SH3RF3: variants seen among roughly 807,000 people sequenced by gnomAD.
SH3RF3 encodes the protein E3 ubiquitin-protein ligase SH3RF3.
In SH3RF3, 29 loss-of-function variants were observed where a neutral mutation model predicts 66.3. The observed-to-expected ratio is 0.44, with a 90% CI of 0.33 to 0.60. The LOEUF is 0.60. SH3RF3 is among the 20% of genes least tolerant of loss of function. The pLI is 0.04. For missense variants in SH3RF3, 1,194 were observed against 1,190.9 expected (o/e 1.00, Z -0.04); for synonymous variants, 583 against 532.0 (o/e 1.10, Z -1.32).
chr2:109,425,352 A>T (rs1163349329), intron 5 of SH3RF3, among the ~76,000 whole-genome samples: 1 of 152,076 alleles, frequency 6.6e-6, no homozygotes, highest in Non-Finnish European at 1.5e-5. Flanking sequence ...AAAATCACTG[A>T]TGAAGGTGGC....
chr2:109,494,586 T>C (rs974001595), intron 9 of SH3RF3, among the ~76,000 whole-genome samples: 4 of 152,302 alleles, frequency 2.6e-5, no homozygotes, highest in East Asian at 1.9e-4. Flanking sequence ...GCTGCTGGGC[T>C]GCGCCCTGTG....
At chr2:109,495,478 T>C (rs1008848662) in intron 9 of SH3RF3, among the ~76,000 whole-genome samples, 1 of 19,004 alleles carries the variant, frequency 5.3e-5, no homozygotes, top group South Asian at 1.6e-3. Flanking sequence ...CTTTCATTCC[T>C]TTTTTTTTTT....
chr2:109,200,280 G>T (rs991666265), intron 1 of SH3RF3, among the ~76,000 whole-genome samples: 28 of 152,182 alleles, frequency 1.8e-4, no homozygotes, highest in Admixed American at 1.8e-3. Flanking sequence ...GGTGTTCTCA[G>T]TGGGCGTCTG....
At position 109,178,357 on chromosome 2, in the gene SH3RF3, T is replaced by G. The variant is rs1677979428; in HGVS notation, c.573+48244T>G. On this transcript the variant is annotated intron_variant, in intron 1 of 9. Transcript: ENST00000309415. Reference sequence around the variant, plus strand: ...CCCCCGTGAATAATACTGCTTCTGCTAGAAATGATATATACTCAGTGTGGT... The same window carrying G: ...CCCCCGTGAATAATACTGCTTCTGCGAGAAATGATATATACTCAGTGTGGT... 2.6e-5 allele frequency among the ~76,000 whole-genome samples: 4 copies of G among 152,362 alleles called. No homozygotes were observed. The South Asian group carries it at 8.3e-4, about 32-fold the overall frequency.
intron 1 of SH3RF3, among the ~76,000 whole-genome samples, chr2:109,181,940 G>A (rs757809744): frequency 6.6e-6 from 1 of 152,122 alleles, no homozygotes; most frequent in Non-Finnish European, 1.5e-5. Flanking sequence ...TGGCTGTAAG[G>A]GCCTTGAATG....
chr2:109,483,077 A>G (rs949958107), intron 8 of SH3RF3, among the ~76,000 whole-genome samples: 10 of 152,298 alleles, frequency 6.6e-5, no homozygotes, highest in African/African-American at 2.4e-4. Flanking sequence ...AATGCGTTGC[A>G]TATTTATATT....
intron 9 of SH3RF3, among the ~76,000 whole-genome samples, chr2:109,493,484 C>A (rs1002612815): frequency 5.3e-5 from 8 of 151,502 alleles, no homozygotes; most frequent in African/African-American, 1.9e-4. Context: ...AACACATACC[C>A]CACATACACC....
intron 1 of SH3RF3, among the ~76,000 whole-genome samples, chr2:109,190,616 T>G (rs575258426): frequency 6.6e-6 from 1 of 152,322 alleles, no homozygotes; most frequent in South Asian, 2.1e-4. Flanking sequence ...TGCAACTAAT[T>G]ATATTGCAGC....
chr2:109,157,758 A>G (rs1293941252), intron 1 of SH3RF3, among the ~76,000 whole-genome samples: 1 of 152,226 alleles, frequency 6.6e-6, no homozygotes, highest in East Asian at 1.9e-4. Flanking sequence ...GATGTCATCA[A>G]CAGGGACTTT....
intron 8 of SH3RF3, among the ~76,000 whole-genome samples, chr2:109,479,610 G>A (rs1420868863): frequency 1.3e-5 from 2 of 152,186 alleles, no homozygotes; most frequent in Admixed American, 6.5e-5. Flanking sequence ...GTACAGGACT[G>A]GCAGCCCAAG....
At chr2:109,188,608 T>C (rs967246937) in intron 1 of SH3RF3, among the ~76,000 whole-genome samples, 1 of 152,176 alleles carries the variant, frequency 6.6e-6, no homozygotes, top group African/African-American at 2.4e-5. Context: ...GGCAGCAGTT[T>C]GCCTATGGTG....
At chr2:109,222,403 G>C (rs1016484294) in intron 1 of SH3RF3, among the ~76,000 whole-genome samples, 3 of 152,156 alleles carry the variant, frequency 2.0e-5, no homozygotes, top group Non-Finnish European at 4.4e-5. Context: ...TAGTTACCCT[G>C]ATTTGATCAT....
chr2:109,216,451 A>G (rs1361430643), intron 1 of SH3RF3, among the ~76,000 whole-genome samples: 1 of 152,226 alleles, frequency 6.6e-6, no homozygotes, highest in Non-Finnish European at 1.5e-5. Context: ...GGAGTTGGTC[A>G]CTTGAGGGCG....
chr2:109,185,162 AT>A (rs1678157136), intron 1 of SH3RF3, among the ~76,000 whole-genome samples: 1 of 152,148 alleles, frequency 6.6e-6, no homozygotes, highest in African/African-American at 2.4e-5. Context: ...TATTTTCCTG[AT>A]TGTTAGAATT....
In SH3RF3 at chr2:109,499,103, G is replaced by A. The variant is rs114001743; in HGVS notation, c.2481-2400G>A. On this transcript the variant is annotated intron_variant, in intron 9 of 9. Coordinates refer to ENST00000309415, the MANE Select transcript of SH3RF3 (RefSeq NM_001099289.3). ...GCTGTGAGGCAACTCAGTCCAAGCA[G>A]GGTGAAAGCAGGAGGCCCAGAGTGG... Among the ~76,000 whole-genome samples, 586 of 152,302 alleles carry A rather than the reference G, an allele frequency of 3.8e-3. 5 individuals are homozygous for A. Among genetic ancestry groups the A allele is most frequent in the African/African-American group, 0.013 (557 of 41,572 alleles).
intron 1 of SH3RF3, among the ~76,000 whole-genome samples, chr2:109,240,708 C>A (rs1261560243): frequency 6.6e-6 from 1 of 152,050 alleles, no homozygotes; most frequent in Non-Finnish European, 1.5e-5. Flanking sequence ...ATCTTCCCTC[C>A]CTCCCACCTC....
At chr2:109,148,594 A>G (rs1366570210) in intron 1 of SH3RF3, among the ~76,000 whole-genome samples, 2 of 152,178 alleles carry the variant, frequency 1.3e-5, no homozygotes, top group East Asian at 3.9e-4. Flanking sequence ...ATCACAGTAA[A>G]ATACTCGATT....
At chr2:109,431,359 CAAATA>C (rs1452298703) in intron 5 of SH3RF3, among the ~76,000 whole-genome samples, 1 of 152,204 alleles carries the variant, frequency 6.6e-6, no homozygotes. Flanking sequence ...ATCTTGTGAG[CAAATA>C]AAATAATCTG....
At chr2:109,228,206 C>T (rs547180667) in intron 1 of SH3RF3, among the ~76,000 whole-genome samples, 172 of 152,254 alleles carry the variant, frequency 1.1e-3, no homozygotes, top group African/African-American at 4.1e-3. Flanking sequence ...GAAATTCAAT[C>T]GGCAGCCCTC....
Sources: gnomAD v4.1 joint callset for allele counts (sites outside exome capture counted in the v4.1 genomes callset) on GRCh38, gnomAD v4.1.1 for gene constraint, MANE v1.5 for transcripts, NCBI Gene and HGNC (gene_info 2026-07-23, HGNC 2026-07-21) for gene names.